ASPRV1: variants seen among roughly 807,000 people sequenced by gnomAD.
ASPRV1 encodes retroviral-like aspartic protease 1.
In ASPRV1, 7 loss-of-function variants were observed where a neutral mutation model predicts 11.0. The observed-to-expected ratio is 0.64, with a 90% CI of 0.36 to 1.20. The LOEUF is 1.20. Among genes scored for constraint, ASPRV1 ranks in the 50% most tolerant of loss-of-function variants. The pLI is 0.02. For synonymous variants in ASPRV1, 136 were observed against 138.4 expected, an observed-to-expected ratio of 0.98 and a Z score of 0.12; for missense variants, 299 against 320.0, an observed-to-expected ratio of 0.93 and a Z score of 0.50.
At chr2:70,065,352 C>G in the ASPRV1 span, among the ~76,000 whole-genome samples, 1 of 126,528 alleles carries the variant, frequency 7.9e-6, no homozygotes, top group Non-Finnish European at 1.6e-5. Flanking sequence ...GATGGCGCTA[C>G]TACACTCCAG....
the ASPRV1 span, chr2:69,941,056 C>A: frequency 1.3e-5 from 2 of 152,258 alleles, no homozygotes; most frequent in African/African-American, 4.8e-5. Context: ...GAGATATAAA[C>A]CCCAGCCTTT....
the ASPRV1 span, among the ~76,000 whole-genome samples, chr2:70,036,559 G>A: frequency 1.3e-5 from 2 of 152,114 alleles, no homozygotes; most frequent in Non-Finnish European, 2.9e-5. Flanking sequence ...CAAGGTGTTT[G>A]TCTACACCAA....
At chr2:70,018,487 A>T in the ASPRV1 span, among the ~76,000 whole-genome samples, 1 of 152,198 alleles carries the variant, frequency 6.6e-6, no homozygotes, top group Admixed American at 6.5e-5. Flanking sequence ...AGCAAAAAGA[A>T]CAAGGCTAGA....
At chr2:69,981,738 T>C in the ASPRV1 span, among the ~76,000 whole-genome samples, 1 of 152,190 alleles carries the variant, frequency 6.6e-6, no homozygotes, top group Admixed American at 6.5e-5. Flanking sequence ...TTTGTATTTT[T>C]AGTAGAGATG....
the ASPRV1 span, chr2:69,940,643 C>G: frequency 6.6e-6 from 1 of 152,582 alleles, no homozygotes; most frequent in Non-Finnish European, 1.5e-5. Context: ...ATTATTTGAC[C>G]TTTGCACTGT....
At chr2:70,017,673 T>C in the ASPRV1 span, among the ~76,000 whole-genome samples, 1 of 152,092 alleles carries the variant, frequency 6.6e-6, no homozygotes, top group East Asian at 1.9e-4. Context: ...CTGATAAACA[T>C]ATTCAGTAAA....
chr2:70,042,655 T>C, the ASPRV1 span, among the ~76,000 whole-genome samples: 2 of 152,198 alleles, frequency 1.3e-5, no homozygotes, highest in Admixed American at 6.5e-5. Flanking sequence ...TCTAATATCC[T>C]AGTGATCAGC....
the ASPRV1 span, among the ~76,000 whole-genome samples, chr2:70,081,939 G>C: frequency 6.6e-6 from 1 of 151,170 alleles, no homozygotes; most frequent in African/African-American, 2.4e-5. Flanking sequence ...GAGAGAAAAA[G>C]AAACCACTTA....
In ASPRV1 at chr2:69,960,601, C is replaced by A. The variant is rs999632120; in HGVS notation, c.*56G>T. ...ACCCCCATGAGGATATGCAACCCCCCCCACAGCGGTGGGTCTTCCCACCAA... is the reference window on the plus strand; with the variant it reads ...ACCCCCATGAGGATATGCAACCCCCACCACAGCGGTGGGTCTTCCCACCAA... On this transcript the variant is annotated 3_prime_UTR_variant, in exon 1 of 1. Transcript: ENST00000320256. 2 of 1,525,946 alleles carry A rather than the reference C, an allele frequency of 1.3e-6. No individual in the cohort carries two copies. The highest frequency in any genetic ancestry group is 2.3e-5 in the East Asian group (1 of 44,332). The allele number at this position is 1,525,946 out of a possible 1,614,324, so 94.5% of individuals were successfully genotyped here.
chr2:70,029,396 T>C, the ASPRV1 span, among the ~76,000 whole-genome samples: 2 of 151,996 alleles, frequency 1.3e-5, no homozygotes, highest in Non-Finnish European at 2.9e-5. Flanking sequence ...ATCCTAGCAC[T>C]TGGGGAGGCT....
the ASPRV1 span, among the ~76,000 whole-genome samples, chr2:70,054,369 C>T: frequency 6.6e-6 from 1 of 151,322 alleles, no homozygotes; most frequent in East Asian, 1.9e-4. Flanking sequence ...GGGTGGGTCA[C>T]AAGGTCAGGA....
At chr2:70,049,771 G>A in the ASPRV1 span, 3 of 152,098 alleles carry the variant, frequency 2.0e-5, no homozygotes, top group African/African-American at 7.2e-5. Context: ...ATCCCAAACT[G>A]CTTTACATGG....
At chr2:70,039,564 T>C in the ASPRV1 span, among the ~76,000 whole-genome samples, 2 of 152,188 alleles carry the variant, frequency 1.3e-5, no homozygotes, top group African/African-American at 2.4e-5. Context: ...GGTTCCACAG[T>C]GATTTACACA....
At chr2:70,080,778 ATCCT>A in the ASPRV1 span, 1 of 152,252 alleles carries the variant, frequency 6.6e-6, no homozygotes, top group Non-Finnish European at 1.5e-5. Context: ...TAATGTAAAC[ATCCT>A]TCATTCATAT....
the ASPRV1 span, among the ~76,000 whole-genome samples, chr2:70,029,280 CCT>C: frequency 6.6e-6 from 1 of 152,136 alleles, no homozygotes; most frequent in Non-Finnish European, 1.5e-5. Flanking sequence ...TAAGTGACGC[CCT>C]GACTACCATT....
At chr2:69,938,674 T>C in the ASPRV1 span, 3 of 163,002 alleles carry the variant, frequency 1.8e-5, no homozygotes, top group Non-Finnish European at 4.0e-5. Context: ...CAAGTGTGTC[T>C]TGTACTTAGG....
At chr2:69,990,540 T>A in the ASPRV1 span, among the ~76,000 whole-genome samples, 1 of 152,034 alleles carries the variant, frequency 6.6e-6, no homozygotes, top group Non-Finnish European at 1.5e-5. Flanking sequence ...TGCAGTTGTG[T>A]GATCAGGGCT....
At chr2:70,023,749 T>C in the ASPRV1 span, among the ~76,000 whole-genome samples, 6 of 152,302 alleles carry the variant, frequency 3.9e-5, no homozygotes, top group African/African-American at 1.4e-4. Flanking sequence ...TGTAGATTTC[T>C]TTTTTAAAAG....
chr2:69,974,795 T>G, the ASPRV1 span, among the ~76,000 whole-genome samples: 110 of 152,314 alleles, frequency 7.2e-4, no homozygotes, highest in African/African-American at 2.4e-3. Context: ...TGGAATTGTT[T>G]AGAGCAGAGG....
Sources: allele counts gnomAD v4.1 joint callset (sites outside exome capture counted in the v4.1 genomes callset), GRCh38; gene constraint gnomAD v4.1.1; transcripts MANE v1.5; gene names NCBI Gene and HGNC (gene_info 2026-07-23, HGNC 2026-07-21).